ZNF521: variants seen among roughly 807,000 people sequenced by gnomAD.
The protein encoded by ZNF521 is LYST-interacting protein 3.
ZNF521 carries 14 observed loss-of-function variants against 105.5 expected under a neutral mutation model. The ratio of observed to expected loss-of-function variants is 0.13; its 90% CI spans 0.09 to 0.21. The LOEUF is 0.21. Ranked by LOEUF, ZNF521 falls within the 10% of genes least tolerant of loss-of-function variation. The pLI is 1.00. For synonymous variants in ZNF521, 635 were observed against 606.0 expected (o/e 1.05, Z -0.70); for missense variants, 1,233 against 1,629.7 (o/e 0.76, Z 4.19).
At chr18:25,245,849 A>C (rs1907671856) in intron 3 of ZNF521, among the ~76,000 whole-genome samples, 1 of 152,100 alleles carries the variant, frequency 6.6e-6, no homozygotes, top group Non-Finnish European at 1.5e-5. Context: ...CCATCTCTAC[A>C]AAAAATTTAA....
chr18:25,289,528 G>A (rs939865373), intron 3 of ZNF521, among the ~76,000 whole-genome samples: 40 of 152,266 alleles, frequency 2.6e-4, no homozygotes, highest in Admixed American at 2.2e-3. Context: ...CTCGGGAAGC[G>A]CATCATAAAA....
intron 3 of ZNF521, among the ~76,000 whole-genome samples, chr18:25,245,249 C>A (rs1225350908): frequency 6.6e-6 from 1 of 152,124 alleles, no homozygotes; most frequent in Non-Finnish European, 1.5e-5. Flanking sequence ...TGAATTCGTC[C>A]TTTTTATTAA....
intron 2 of ZNF521, among the ~76,000 whole-genome samples, chr18:25,329,631 A>G (rs1272253048): frequency 6.6e-6 from 1 of 152,232 alleles, no homozygotes; most frequent in African/African-American, 2.4e-5. Flanking sequence ...CCAGACAGAC[A>G]GTAAGGCAGC....
Position 25,116,925 on chromosome 18 carries a change from A to G in ZNF521, c.3659-24844T>C, listed in dbSNP as rs186013641. On this transcript the variant is annotated intron_variant, in intron 5 of 7. Transcript: ENST00000361524. ...TGTGTATATATACGTATATCTATGT[A>G]TATATATACGTATATATACACATAT... Among the ~76,000 whole-genome samples the G allele has an allele frequency of 4.7e-4, 67 of 142,108 alleles. 1 individual carries two copies. Among genetic ancestry groups the G allele is most frequent in the South Asian group, 4.1e-3 (19 of 4,668 alleles). 93.2% of individuals were successfully genotyped at this position (142,108 alleles called of 152,430 possible). A position where few individuals can be genotyped will look rare whatever the true frequency, so the allele number is the denominator to read the frequency against.
chr18:25,337,000 A>T (rs1025320985), intron 2 of ZNF521, among the ~76,000 whole-genome samples: 1 of 152,220 alleles, frequency 6.6e-6, no homozygotes, highest in Non-Finnish European at 1.5e-5. Context: ...CTGTAGTACA[A>T]GGTGATTTAA....
intron 4 of ZNF521, among the ~76,000 whole-genome samples, chr18:25,203,331 AC>A (rs1386737113): frequency 6.6e-6 from 1 of 152,156 alleles, no homozygotes; most frequent in Non-Finnish European, 1.5e-5. Flanking sequence ...TGAAACTGTT[AC>A]AAGGCCTGGT....
At chr18:25,153,574 C>G (rs1485529116) in intron 5 of ZNF521, among the ~76,000 whole-genome samples, 1 of 152,180 alleles carries the variant, frequency 6.6e-6, no homozygotes, top group Non-Finnish European at 1.5e-5. Context: ...GTCTTTGGAT[C>G]AAACTCTTCT....
At chr18:25,108,407 TAA>T (rs1332595825) in intron 5 of ZNF521, among the ~76,000 whole-genome samples, 1 of 152,178 alleles carries the variant, frequency 6.6e-6, no homozygotes, top group African/African-American at 2.4e-5. Context: ...ATATATGGTA[TAA>T]GTTTTTCTTT....
chr18:25,121,834 C>T (rs546370816), intron 5 of ZNF521, among the ~76,000 whole-genome samples: 1 of 152,116 alleles, frequency 6.6e-6, no homozygotes, highest in Admixed American at 6.5e-5. Flanking sequence ...AACTTAACTG[C>T]TTCCCAAAAC....
chr18:25,302,213 GGGA>G (rs1480840619), intron 3 of ZNF521: 1 of 151,838 alleles, frequency 6.6e-6, no homozygotes, highest in African/African-American at 2.4e-5. Flanking sequence ...TATAGATGCT[GGGA>G]AAGGCTGTGG....
At chr18:25,126,206 G>A (rs987562531) in intron 5 of ZNF521, among the ~76,000 whole-genome samples, 2 of 151,950 alleles carry the variant, frequency 1.3e-5, no homozygotes, top group African/African-American at 4.8e-5. Flanking sequence ...AGCAATCTTT[G>A]GTTTCTCAAC....
chr18:25,205,464 A>C (rs1203840849), intron 4 of ZNF521, among the ~76,000 whole-genome samples: 1 of 152,230 alleles, frequency 6.6e-6, no homozygotes, highest in African/African-American at 2.4e-5. Flanking sequence ...TTTCCTCATC[A>C]ATTATTCTGA....
chr18:25,183,719 C>T (rs780711678), intron 5 of ZNF521, among the ~76,000 whole-genome samples: 1 of 152,172 alleles, frequency 6.6e-6, no homozygotes, highest in African/African-American at 2.4e-5. Context: ...CCTTCTTCAA[C>T]TTAATGCTGG....
At chr18:25,159,694 A>G (rs1266907292) in intron 5 of ZNF521, among the ~76,000 whole-genome samples, 5 of 152,178 alleles carry the variant, frequency 3.3e-5, no homozygotes, top group South Asian at 2.1e-4. Flanking sequence ...GAACCTTGAT[A>G]GGGCTGGACA....
chr18:25,173,033 G>A (rs45543835), intron 5 of ZNF521, among the ~76,000 whole-genome samples: 564 of 152,312 alleles, frequency 3.7e-3, no homozygotes, highest in Non-Finnish European at 5.9e-3. Context: ...AACTCTTGTC[G>A]CAAAGTATTC....
At chr18:25,103,528 C>T (rs2034008880) in intron 5 of ZNF521, among the ~76,000 whole-genome samples, 1 of 152,066 alleles carries the variant, frequency 6.6e-6, no homozygotes, top group Non-Finnish European at 1.5e-5. Context: ...AAACATAACC[C>T]CATACTTACG....
intron 3 of ZNF521, among the ~76,000 whole-genome samples, chr18:25,233,617 AAC>A (rs924862125): frequency 8.6e-5 from 13 of 152,008 alleles, no homozygotes; most frequent in Non-Finnish European, 1.5e-4. Context: ...CACATTTTTT[AAC>A]AGTCTTAAGA....
intron 5 of ZNF521, among the ~76,000 whole-genome samples, chr18:25,193,699 A>C (rs1466519945): frequency 6.6e-6 from 1 of 152,050 alleles, no homozygotes; most frequent in African/African-American, 2.4e-5. Flanking sequence ...GAAACATTTG[A>C]ATCTCTCCTA....
intron 5 of ZNF521, among the ~76,000 whole-genome samples, chr18:25,147,470 A>G (rs2034965987): frequency 6.6e-6 from 1 of 152,122 alleles, no homozygotes; most frequent in African/African-American, 2.4e-5. Flanking sequence ...TTCTTTTTCA[A>G]CAGATTTCCA....
Sources: allele counts gnomAD v4.1 joint callset (sites outside exome capture counted in the v4.1 genomes callset), GRCh38; gene constraint gnomAD v4.1.1; transcripts MANE v1.5; gene names NCBI Gene and HGNC (gene_info 2026-07-23, HGNC 2026-07-21).